Variants in SMG7 observed in about 807,000 individuals in gnomAD.
SMG7 encodes SMG7 nonsense mediated mRNA decay factor.
Under a neutral mutation model 148.2 loss-of-function variants are expected in SMG7, and 34 were observed. The ratio of observed to expected loss-of-function variants is 0.23; its 90% confidence interval spans 0.17 to 0.31. The LOEUF is 0.31. Ranked by LOEUF, SMG7 falls within the 10% of genes least tolerant of loss-of-function variation. The pLI is 1.00. For missense variants in SMG7, 1,114 were observed against 1,408.4 expected (o/e 0.79, Z 3.35); for synonymous variants, 492 against 515.1 (o/e 0.96, Z 0.61).
At chr1:183,473,817 A>G (rs956351260) in intron 1 of SMG7, 2 of 985,462 alleles carry the variant, frequency 2.0e-6, no homozygotes, top group Non-Finnish European at 2.4e-6. Context: ...TGGAAGTCTG[A>G]AATGAGTGGA....
At chr1:183,472,796 C>G in intron 1 of SMG7, 147 bp downstream of exon 1, 1 of 660,412 alleles carries the variant, frequency 1.5e-6, no homozygotes, top group Middle Eastern at 4.2e-4. Flanking sequence ...GCAAGGGGAT[C>G]TGCGGGAGGG....
rs1263595939 is a variant in SMG7, at chr1:183,540,996, T to C, written c.1308T>C (p.Phe436=). The C allele has an allele frequency of 6.2e-7, 1 of 1,612,582 alleles. No homozygotes were observed. The change falls in exon 13 of 23, where the codon TTT becomes TTC. Residue 436 remains phenylalanine, a synonymous_variant. Coordinates refer to ENST00000688051, the MANE Select transcript of SMG7 (RefSeq NM_001375584.1). ...GTGTCAATTTTAGGAACTTGGATTT[T>C]TCCAAAGGTCACCAGGGTATTACAG... ...ALRPSFRNLD[F]SKGHQGITGD...
At chr1:183,519,012 C>A (rs912585381) in intron 4 of SMG7, among the ~76,000 whole-genome samples, 2 of 151,978 alleles carry the variant, frequency 1.3e-5, no homozygotes, top group African/African-American at 4.8e-5. Flanking sequence ...TTTGGGAAGC[C>A]AAGGTGGGAG....
intron 1 of SMG7, among the ~76,000 whole-genome samples, chr1:183,498,110 C>T (rs1372255076): frequency 1.3e-5 from 2 of 152,152 alleles, no homozygotes; most frequent in African/African-American, 4.8e-5. Context: ...TTAAATCAGA[C>T]AGTATCTTGA....
intron 1 of SMG7, 51 bp downstream of exon 1, chr1:183,472,700 G>A: frequency 2.1e-6 from 3 of 1,431,256 alleles, no homozygotes; most frequent in East Asian, 2.7e-5. Context: ...CGCAGGTTGG[G>A]GCATGGAGCA....
chr1:183,490,057 G>GA (rs1242741103), intron 1 of SMG7, among the ~76,000 whole-genome samples: 1 of 152,028 alleles, frequency 6.6e-6, no homozygotes, highest in Non-Finnish European at 1.5e-5. Context: ...GCTAGTTTTT[G>GA]AAAAAACACT....
chr1:183,526,214 T>A (rs1361606716), intron 4 of SMG7, among the ~76,000 whole-genome samples: 2 of 151,312 alleles, frequency 1.3e-5, no homozygotes, highest in South Asian at 2.1e-4. Context: ...AGTGGCGTGA[T>A]CTCGGCTCAC....
In SMG7 at chr1:183,527,925, G is replaced by T. The variant is rs1239063796; in HGVS notation, c.485-31G>T. On this transcript the variant is annotated intron_variant, in intron 5 of 22. Transcript: ENST00000688051. The surrounding 1 kb of genome is among the most constrained non-coding windows in gnomAD (Gnocchi z 4.0). ...ATACTACCCTACTGTTTGTTTTTTG[G>T]GTTTTTTAAAACTAATTTTCTTCTT... The T allele has an allele frequency of 6.3e-7, 1 of 1,576,830 alleles. No homozygotes were observed. The highest frequency in any genetic ancestry group is 8.7e-7 in the Non-Finnish European group (1 of 1,149,362).
Position 183,517,753 on chromosome 1 carries a change from C to T in SMG7, c.245C>T (p.Pro82Leu), listed in dbSNP as rs776202694. 8.7e-6 allele frequency: 14 copies of T among 1,613,964 alleles called. No individual in the cohort carries two copies. Among genetic ancestry groups the T allele is most frequent in the East Asian group, 4.5e-5 (2 of 44,874 alleles). The change falls in exon 4 of 23, where the codon CCG becomes CTG. Residue 82 changes from proline to leucine, a missense_variant. Physicochemically the swap from Pro to Leu is moderately conservative, Grantham distance 98. Around this residue, in one of 4 missense-constraint regions of SMG7, gnomAD observed 216 missense variants for 329.1 expected, o/e 0.66. Transcript: ENST00000688051. ...GGCCAGGCAAAGAATCGAGCAAATC[C>T]GAATCGGAGTGAAGTTCAGGCAAAC... Reference protein sequence around the residue: ...LQGQAKNRANPNRSEVQANLS... With the variant: ...LQGQAKNRANLNRSEVQANLS...
At chr1:183,512,782 G>A in intron 1 of SMG7, 55 bp from the exon 2 acceptor site, 2 of 1,489,818 alleles carry the variant, frequency 1.3e-6, no homozygotes, top group South Asian at 1.3e-5. Flanking sequence ...ATGTTAGTTA[G>A]GCCTCGTTTG....
Position 183,546,144 on chromosome 1 carries a change from A to G in SMG7, c.2549A>G (p.Lys850Arg). ...CAGCAGCCTCTAGAAAAAAAAATGA[A>G]GCCTTTTCCCATGGAGCCATATAAC... ...MQQQPLEKKM[K>R]PFPMEPYNHN... The change falls in exon 17 of 23, where the codon AAG becomes AGG. Residue 850 changes from lysine to arginine, a missense_variant. Around this residue, in one of 4 missense-constraint regions of SMG7, gnomAD observed 788 missense variants for 894.5 expected, o/e 0.88. Coordinates refer to ENST00000688051, the MANE Select transcript of SMG7 (RefSeq NM_001375584.1). 6.2e-7 allele frequency: 1 copy of G among 1,614,068 alleles called. No homozygotes were observed. The highest frequency in any genetic ancestry group is 1.1e-5 in the South Asian group (1 of 91,078).
At chr1:183,512,371 T>C (rs917306781) in intron 1 of SMG7, among the ~76,000 whole-genome samples, 3 of 152,190 alleles carry the variant, frequency 2.0e-5, no homozygotes, top group Non-Finnish European at 4.4e-5. Context: ...GGAATTGTTT[T>C]CCCTGAGGTA....
chr1:183,523,854 C>T (rs2102546837), intron 4 of SMG7, among the ~76,000 whole-genome samples: 2 of 151,908 alleles, frequency 1.3e-5, no homozygotes, highest in Middle Eastern at 6.8e-3. Context: ...GTTTTCCAGT[C>T]TGTTTTTTCA....
chr1:183,533,866 T>C, intron 10 of SMG7, 34 bp downstream of exon 10: 1 of 1,571,920 alleles, frequency 6.4e-7, no homozygotes, highest in Non-Finnish European at 8.7e-7. Flanking sequence ...TTAACTTGTG[T>C]GCTTTGTTTG....
intron 8 of SMG7, among the ~76,000 whole-genome samples, chr1:183,531,132 G>A (rs1222686220): frequency 6.6e-6 from 1 of 152,102 alleles, no homozygotes; most frequent in Non-Finnish European, 1.5e-5. Context: ...TTGCTGGAGT[G>A]AAATTTTAAC....
chr1:183,545,169 C>G lies in SMG7; in HGVS notation c.2227C>G (p.Pro743Ala). 1 of 1,614,154 alleles carries G rather than the reference C, an allele frequency of 6.2e-7. No individual in the cohort carries two copies. The highest frequency in any genetic ancestry group is 1.3e-5 in the African/African-American group (1 of 75,044). Reference protein sequence around the residue: ...PQQSQPPSQQPLTSLPAQPTA... With the variant: ...PQQSQPPSQQALTSLPAQPTA... ...ACAATCACAGCCACCTTCCCAGCAACCCCTTACATCTTTACCAGCTCAGCC... is the reference window on the plus strand; with the variant it reads ...ACAATCACAGCCACCTTCCCAGCAAGCCCTTACATCTTTACCAGCTCAGCC... The change falls in exon 16 of 23, where the codon CCC (proline) becomes GCC (alanine). Residue 743 changes from proline (P) to alanine (A), a missense_variant. Around this residue, in one of 4 missense-constraint regions of SMG7, gnomAD observed 788 missense variants for 894.5 expected, o/e 0.88. Coordinates refer to ENST00000688051, the MANE Select transcript of SMG7 (RefSeq NM_001375584.1).
At chr1:183,515,834 T>A (rs758004202) in intron 2 of SMG7, 40 bp from the exon 3 acceptor site, 35 of 1,319,172 alleles carry the variant, frequency 2.7e-5, no homozygotes, top group Non-Finnish European at 3.8e-5. Flanking sequence ...ACTGCTGGGG[T>A]TTATCTATCT....
At chr1:183,499,822 C>G (rs1659352545) in intron 1 of SMG7, among the ~76,000 whole-genome samples, 1 of 152,094 alleles carries the variant, frequency 6.6e-6, no homozygotes, top group Non-Finnish European at 1.5e-5. Context: ...ATTCTAGTAT[C>G]TACTCATATT....
At chr1:183,488,976 G>T (rs1403368809) in intron 1 of SMG7, among the ~76,000 whole-genome samples, 3 of 152,060 alleles carry the variant, frequency 2.0e-5, no homozygotes, top group African/African-American at 4.8e-5. Flanking sequence ...GAGCCACCAC[G>T]CCTGGCCAAG....
Sources: gnomAD v4.1 joint callset for allele counts (sites outside exome capture counted in the v4.1 genomes callset) on GRCh38, gnomAD v4.1.1 for gene constraint, gnomAD v4.1.1 regional missense constraint, Gnocchi (gnomAD v3.1) non-coding constraint, MANE v1.5 for transcripts, NCBI Gene and HGNC (gene_info 2026-07-23, HGNC 2026-07-21) for gene names.